Variants in CFAP91 observed in about 807,000 individuals in gnomAD.
CFAP91 encodes cilia and flagella associated protein 91.
A neutral mutation model predicts 95.9 loss-of-function variants in CFAP91; 85 were observed. The observed-to-expected ratio is 0.89, with a 90% CI of 0.74 to 1.06. The LOEUF (loss-of-function observed/expected upper bound fraction) is 1.06, where lower values mean the gene tolerates loss of function less well. Ranked by LOEUF, CFAP91 falls within the 50% of genes least tolerant of loss-of-function variation. The pLI is 0.00. For synonymous variants in CFAP91, 335 were observed against 327.5 expected (o/e 1.02, Z -0.25); for missense variants, 962 against 943.4 (o/e 1.02, Z -0.26).
chr3:119,722,173 T>A, intron 6 of CFAP91, among the ~76,000 whole-genome samples: 1 of 124,000 alleles, frequency 8.1e-6, no homozygotes, highest in African/African-American at 3.6e-5. Context: ...TGCGACCCTG[T>A]CTCTAAAAAA....
chr3:119,727,939 T>C (rs1280307235), intron 7 of CFAP91, among the ~76,000 whole-genome samples: 1 of 152,074 alleles, frequency 6.6e-6, no homozygotes, highest in Non-Finnish European at 1.5e-5. Flanking sequence ...ACCGTCTCCT[T>C]GCCCATCTGC....
chr3:119,704,422 A>T (rs2053321509), intron 1 of CFAP91, among the ~76,000 whole-genome samples: 1 of 152,184 alleles, frequency 6.6e-6, no homozygotes, highest in Admixed American at 6.5e-5. Context: ...GAGAACCTGG[A>T]TGGGGAAAAT....
At chr3:119,731,554 A>G (rs1268864757) in intron 8 of CFAP91, among the ~76,000 whole-genome samples, 1 of 152,230 alleles carries the variant, frequency 6.6e-6, no homozygotes. Context: ...ACTTAATTCT[A>G]AAACCCAAGT....
At chr3:119,705,176 C>T (rs1025662080) in intron 1 of CFAP91, among the ~76,000 whole-genome samples, 2 of 152,226 alleles carry the variant, frequency 1.3e-5, no homozygotes, top group African/African-American at 4.8e-5. Context: ...GACTAATTAG[C>T]CCTAAAGCTC....
chr3:119,748,883 T>C (rs2054273044), intron 16 of CFAP91, among the ~76,000 whole-genome samples: 1 of 152,178 alleles, frequency 6.6e-6, no homozygotes, highest in Non-Finnish European at 1.5e-5. Context: ...TGCTGGGATA[T>C]AAGGTATATG....
chr3:119,741,679 A>T (rs1290503751), intron 13 of CFAP91, among the ~76,000 whole-genome samples: 2 of 152,214 alleles, frequency 1.3e-5, no homozygotes, highest in East Asian at 3.8e-4. Flanking sequence ...TCTGAAAAAG[A>T]ATCAATTTGC....
intron 1 of CFAP91, among the ~76,000 whole-genome samples, chr3:119,703,567 A>C (rs1376167936): frequency 6.6e-6 from 1 of 152,230 alleles, no homozygotes; most frequent in African/African-American, 2.4e-5. Flanking sequence ...CCCTACAAAA[A>C]TGATCTTTTC....
At chr3:119,745,643 A>G (rs893903044) in intron 14 of CFAP91, among the ~76,000 whole-genome samples, 11 of 152,246 alleles carry the variant, frequency 7.2e-5, no homozygotes, top group Non-Finnish European at 7.3e-5. Flanking sequence ...ATCCATATAG[A>G]TCCAACTTGC....
chr3:119,706,502 A>G (rs7644545), intron 1 of CFAP91: 191,228 of 250,074 alleles, frequency 0.76, 75,587 homozygotes, highest in Non-Finnish European at 0.85. Context: ...AGTTTTGTTC[A>G]TAGGAGAGAA....
intron 5 of CFAP91, 21 bp from the exon 6 acceptor site, chr3:119,715,541 A>T: frequency 6.2e-7 from 1 of 1,606,276 alleles, no homozygotes; most frequent in Non-Finnish European, 8.5e-7. Context: ...TTCAATTTTT[A>T]AACTGATTTT....
intron 16 of CFAP91, among the ~76,000 whole-genome samples, chr3:119,748,508 C>T (rs979333710): frequency 1.3e-5 from 2 of 152,202 alleles, no homozygotes; most frequent in Non-Finnish European, 2.9e-5. Flanking sequence ...CTGCTGATGG[C>T]AGGCTTGATC....
At chr3:119,727,009 T>G (rs911876353) in intron 7 of CFAP91, among the ~76,000 whole-genome samples, 2 of 152,194 alleles carry the variant, frequency 1.3e-5, no homozygotes, top group African/African-American at 4.8e-5. Context: ...TTAACTGATA[T>G]ATTTTCAGTA....
At chr3:119,740,458 A>G in intron 12 of CFAP91, 91 bp from the exon 13 acceptor site, 1 of 1,436,164 alleles carries the variant, frequency 7.0e-7, no homozygotes. Context: ...CACTGTTCAC[A>G]AGTGTCTCAC....
chr3:119,760,489 A>C (rs911374480), intron 17 of CFAP91, among the ~76,000 whole-genome samples: 1 of 151,762 alleles, frequency 6.6e-6, no homozygotes, highest in African/African-American at 2.4e-5. Flanking sequence ...CTAGACAAAA[A>C]ATCAATAGAG....
rs567065504 is a variant in CFAP91, at chr3:119,707,662, A to G, written c.359+101A>G. 11 of 1,107,778 alleles carry G rather than the reference A, an allele frequency of 9.9e-6. No homozygotes were observed. The East Asian group carries it at 3.1e-4, about 31-fold the overall frequency. 68.6% of individuals were successfully genotyped at this position (1,107,778 alleles called of 1,614,324 possible). On this transcript the variant is annotated intron_variant, in intron 3 of 17. Coordinates refer to ENST00000273390, the MANE Select transcript of CFAP91 (RefSeq NM_033364.4). ...TTTTAAAATGTTCAGTTGTGGTGTT[A>G]TACCTAGGCCAAATTTTCTTTCTAA... is the stretch of plus-strand genomic sequence containing the variant.
intron 16 of CFAP91, 109 bp downstream of exon 16, chr3:119,748,011 G>A (rs139004227): frequency 2.5e-6 from 2 of 803,892 alleles, no homozygotes; most frequent in African/African-American, 1.7e-5. Context: ...TCTAAAGGAG[G>A]ATCACTGAGT....
chr3:119,748,966 T>C (rs2054274384), intron 16 of CFAP91: 1 of 152,216 alleles, frequency 6.6e-6, no homozygotes, highest in Non-Finnish European at 1.5e-5. Flanking sequence ...TATTACCAAA[T>C]TGCCCCACAA....
At chr3:119,764,706 C>T (rs1226470820) in intron 17 of CFAP91, among the ~76,000 whole-genome samples, 1 of 151,952 alleles carries the variant, frequency 6.6e-6, no homozygotes. Context: ...TAGCTGTTGC[C>T]AGGCATGGAA....
intron 17 of CFAP91, among the ~76,000 whole-genome samples, chr3:119,756,106 T>G (rs2054422387): frequency 6.6e-6 from 1 of 151,998 alleles, no homozygotes. Context: ...CTAAGCAGAA[T>G]AAATAAAAAG....
Sources: gnomAD v4.1 joint callset for allele counts (sites outside exome capture counted in the v4.1 genomes callset) on GRCh38, gnomAD v4.1.1 for gene constraint, MANE v1.5 for transcripts, NCBI Gene and HGNC (gene_info 2026-07-23, HGNC 2026-07-21) for gene names.